Variants in LOC128706666 observed in about 807,000 individuals in gnomAD.
chr20:10,426,431 A>G, the LOC128706666 span, among the ~76,000 whole-genome samples: 8,506 of 152,226 alleles, frequency 0.056, 272 homozygotes, highest in Admixed American at 0.081. Flanking sequence ...TTTTTGGGAC[A>G]GTCTCACTCT....
chr20:10,414,778 C>G, the LOC128706666 span, among the ~76,000 whole-genome samples: 2 of 152,086 alleles, frequency 1.3e-5, no homozygotes, highest in African/African-American at 4.8e-5. Flanking sequence ...CTATATTTAG[C>G]TGAATAATTC....
At chr20:10,431,411 CAG>C in the LOC128706666 span, among the ~76,000 whole-genome samples, 1 of 152,064 alleles carries the variant, frequency 6.6e-6, no homozygotes, top group African/African-American at 2.4e-5. Context: ...CTACTAGCCT[CAG>C]GGGGGAACTA....
the LOC128706666 span, among the ~76,000 whole-genome samples, chr20:10,418,926 T>C: frequency 6.6e-6 from 1 of 152,170 alleles, no homozygotes; most frequent in African/African-American, 2.4e-5. Context: ...AAATTTTATA[T>C]AGAATGTCCT....
At chr20:10,419,474 A>G in the LOC128706666 span, among the ~76,000 whole-genome samples, 4 of 152,216 alleles carry the variant, frequency 2.6e-5, no homozygotes, top group Admixed American at 6.5e-5. Flanking sequence ...TGGAATAAAA[A>G]CAGTGACCTC....
the LOC128706666 span, among the ~76,000 whole-genome samples, chr20:10,414,689 A>G: frequency 1.3e-5 from 2 of 152,210 alleles, no homozygotes; most frequent in Non-Finnish European, 2.9e-5. Context: ...GTGCATTTAT[A>G]TCAAGTCATG....
chr20:10,421,777 A>AAT, the LOC128706666 span, among the ~76,000 whole-genome samples: 269 of 150,444 alleles, frequency 1.8e-3, 2 homozygotes, highest in African/African-American at 5.2e-3. Context: ...TAGCTTTTAA[A>AAT]ATATATATAT....
chr20:10,423,964 T>C, the LOC128706666 span, among the ~76,000 whole-genome samples: 1 of 151,430 alleles, frequency 6.6e-6, no homozygotes, highest in Non-Finnish European at 1.5e-5. Flanking sequence ...AAATTCTCCA[T>C]ATCTCATATA....
chr20:10,424,018 G>A, the LOC128706666 span, among the ~76,000 whole-genome samples: 2 of 152,172 alleles, frequency 1.3e-5, no homozygotes, highest in Admixed American at 6.5e-5. Context: ...ACTATTTTCT[G>A]ACAGATAATT....
the LOC128706666 span, among the ~76,000 whole-genome samples, chr20:10,417,229 G>C: frequency 7.5e-6 from 1 of 133,826 alleles, no homozygotes; most frequent in African/African-American, 2.9e-5. Flanking sequence ...CTGGGTGACA[G>C]AGTGAGACTC....
chr20:10,416,625 C>A, the LOC128706666 span, among the ~76,000 whole-genome samples: 76 of 152,288 alleles, frequency 5.0e-4, no homozygotes, highest in African/African-American at 1.8e-3. Flanking sequence ...AGGGATAAAA[C>A]ATTAATCTTG....
the LOC128706666 span, among the ~76,000 whole-genome samples, chr20:10,425,681 G>A: frequency 4.7e-4 from 72 of 152,172 alleles, no homozygotes; most frequent in Non-Finnish European, 1.9e-4. Flanking sequence ...GATTTCTCAA[G>A]AATAAGCTCA....
chr20:10,420,457 A>T, the LOC128706666 span: 1 of 152,194 alleles, frequency 6.6e-6, no homozygotes, highest in Non-Finnish European at 1.5e-5. Flanking sequence ...CTTGCCAGAG[A>T]TCTAAAAGAT....
At chr20:10,433,805 A>G in the LOC128706666 span, among the ~76,000 whole-genome samples, 1 of 152,144 alleles carries the variant, frequency 6.6e-6, no homozygotes, top group Non-Finnish European at 1.5e-5. Flanking sequence ...TCGGCGTAGA[A>G]GGCGGCAGCG....
At chr20:10,429,525 C>G in the LOC128706666 span, among the ~76,000 whole-genome samples, 1 of 152,042 alleles carries the variant, frequency 6.6e-6, no homozygotes, top group Non-Finnish European at 1.5e-5. Flanking sequence ...AGTCTCAATT[C>G]ATCTCATATA....
At chr20:10,417,748 T>C in the LOC128706666 span, among the ~76,000 whole-genome samples, 2 of 152,060 alleles carry the variant, frequency 1.3e-5, no homozygotes, top group Non-Finnish European at 2.9e-5. Context: ...CTAGGATCTA[T>C]TCCACAGTAC....
chr20:10,426,539 A>T, the LOC128706666 span, among the ~76,000 whole-genome samples: 2 of 152,192 alleles, frequency 1.3e-5, no homozygotes, highest in Non-Finnish European at 2.9e-5. Context: ...AGCTGAGATT[A>T]CAGGCCCACG....
chr20:10,425,292 G>A, the LOC128706666 span, among the ~76,000 whole-genome samples: 3 of 152,028 alleles, frequency 2.0e-5, no homozygotes, highest in Admixed American at 6.6e-5. Flanking sequence ...TTATAATGGC[G>A]ATATCCTAAT....
the LOC128706666 span, among the ~76,000 whole-genome samples, chr20:10,419,075 T>C: frequency 6.6e-6 from 1 of 152,128 alleles, no homozygotes; most frequent in African/African-American, 2.4e-5. Context: ...AAAATATTGT[T>C]GAAACCAGTA....
At chr20:10,433,152 C>G in the LOC128706666 span, among the ~76,000 whole-genome samples, 1 of 152,218 alleles carries the variant, frequency 6.6e-6, no homozygotes, top group Non-Finnish European at 1.5e-5. Context: ...TACAGGCGTG[C>G]GCCACTGCGC....
Sources: allele counts gnomAD v4.1 joint callset (sites outside exome capture counted in the v4.1 genomes callset), GRCh38; gene constraint gnomAD v4.1.1; transcripts MANE v1.5.